FOXN3: variants seen among roughly 807,000 people sequenced by gnomAD.
FOXN3 encodes the protein forkhead box N3, also known as forkhead box protein N3.
A neutral mutation model predicts 38.4 loss-of-function variants in FOXN3; 7 were observed. The ratio of observed to expected loss-of-function variants is 0.18; its 90% CI spans 0.10 to 0.34. FOXN3 has a LOEUF of 0.34. Among genes scored for constraint, FOXN3 ranks in the 10% least tolerant of loss-of-function variants. The pLI, the probability that FOXN3 is intolerant of heterozygous loss-of-function variation, is 1.00. For missense variants in FOXN3, 456 were observed against 613.4 expected, an observed-to-expected ratio of 0.74 and a Z score of 2.71; for synonymous variants, 230 against 242.2, an observed-to-expected ratio of 0.95 and a Z score of 0.47.
chr14:89,206,066 G>A (rs1187152721), intron 4 of FOXN3, among the ~76,000 whole-genome samples: 1 of 152,228 alleles, frequency 6.6e-6, no homozygotes, highest in Non-Finnish European at 1.5e-5. Context: ...GGCATCAGAC[G>A]CGGAATCTGC....
chr14:89,278,414 T>C (rs960189177), intron 4 of FOXN3, among the ~76,000 whole-genome samples: 3 of 152,106 alleles, frequency 2.0e-5, no homozygotes, highest in African/African-American at 7.2e-5. Flanking sequence ...CCAAACCATA[T>C]CCTACTTATT....
upstream of FOXN3, chr14:89,417,822 G>C (rs1022530406): frequency 2.2e-6 from 1 of 446,874 alleles, no homozygotes; most frequent in Non-Finnish European, 4.5e-6. Context: ...TCCCACCCAG[G>C]TGGCCGCGTG....
intron 4 of FOXN3, among the ~76,000 whole-genome samples, chr14:89,186,391 A>T (rs1887809066): frequency 6.6e-6 from 1 of 152,090 alleles, no homozygotes; most frequent in South Asian, 2.1e-4. Context: ...TAAGCCTTTG[A>T]AGATGAGTAA....
At chr14:89,300,343 C>T (rs1222058598) in intron 3 of FOXN3, among the ~76,000 whole-genome samples, 2 of 152,184 alleles carry the variant, frequency 1.3e-5, no homozygotes, top group Non-Finnish European at 2.9e-5. Flanking sequence ...CCATCATGCC[C>T]AGATAATTTT....
intron 2 of FOXN3, among the ~76,000 whole-genome samples, chr14:89,403,930 C>T (rs1469021840): frequency 1.3e-5 from 2 of 152,128 alleles, no homozygotes; most frequent in East Asian, 1.9e-4. Context: ...ATACAAAGGG[C>T]ATACAGCAGT....
At chr14:89,396,035 T>C (rs1417881490) in intron 2 of FOXN3, among the ~76,000 whole-genome samples, 1 of 152,168 alleles carries the variant, frequency 6.6e-6, no homozygotes, top group Non-Finnish European at 1.5e-5. Flanking sequence ...AATGGCTAAA[T>C]ACTAATAGGC....
chr14:89,414,250 G>A (rs1437463893), intron 1 of FOXN3, among the ~76,000 whole-genome samples: 1 of 151,800 alleles, frequency 6.6e-6, no homozygotes, highest in Admixed American at 6.6e-5. Context: ...CCAGGAGGTT[G>A]AGGCTCACTG....
intron 4 of FOXN3, among the ~76,000 whole-genome samples, chr14:89,198,890 A>G (rs540722420): frequency 6.6e-6 from 1 of 152,388 alleles, no homozygotes; most frequent in South Asian, 2.1e-4. Context: ...GTAAACAGAT[A>G]TACAATTCAC....
At chr14:89,408,732 A>G (rs1891455924) in intron 2 of FOXN3, among the ~76,000 whole-genome samples, 1 of 151,910 alleles carries the variant, frequency 6.6e-6, no homozygotes, top group African/African-American at 2.4e-5. Flanking sequence ...TTCAGAAGAA[A>G]ATTAAAAGTG....
chr14:89,158,404 G>C lies in FOXN3; in HGVS notation c.*4010C>G, dbSNP rs1394854788. The C allele has an allele frequency of 2.0e-5, 3 of 152,530 alleles. No individual in the cohort carries two copies. The highest frequency in any genetic ancestry group is 7.2e-5 in the African/African-American group (3 of 41,458). The allele number at this position is 152,530 out of a possible 1,614,324, so 9.4% of individuals were successfully genotyped here. On this transcript the variant is annotated 3_prime_UTR_variant, in exon 6 of 6. Transcript: ENST00000557258. Reference sequence around the variant, plus strand: ...CATTGAATGCCTCTGCAAAACAAAAGAAAACTCTGTTCTTGGGAATCGGCC... The same window carrying C: ...CATTGAATGCCTCTGCAAAACAAAACAAAACTCTGTTCTTGGGAATCGGCC...
At chr14:89,383,479 T>C (rs944902501) in intron 2 of FOXN3, among the ~76,000 whole-genome samples, 3 of 152,212 alleles carry the variant, frequency 2.0e-5, no homozygotes, top group Non-Finnish European at 4.4e-5. Context: ...TAACACAAAC[T>C]TGGTGGCTTA....
chr14:89,587,963 C>G (rs754270400), intron 1 of FOXN3, among the ~76,000 whole-genome samples: 8 of 150,056 alleles, frequency 5.3e-5, no homozygotes, highest in Non-Finnish European at 7.4e-5. Flanking sequence ...GTTTTAGCAT[C>G]TGATATAGTT....
At position 89,327,288 on chromosome 14, in the gene FOXN3, G is replaced by A. The variant is rs543579506; in HGVS notation, c.680+23384C>T. 2.1e-3 allele frequency among the ~76,000 whole-genome samples: 326 copies of A among 152,310 alleles called. 1 individual carries two copies. The highest frequency in any genetic ancestry group is 7.6e-3 in the African/African-American group (317 of 41,550). ...TATTTATCTACCATTATTATATGATGTGCTTAACGACTACAGATCTTATCC... is the reference window on the plus strand; with the variant it reads ...TATTTATCTACCATTATTATATGATATGCTTAACGACTACAGATCTTATCC... On this transcript the variant is annotated intron_variant, in intron 3 of 5. Coordinates refer to ENST00000557258, the MANE Select transcript of FOXN3 (RefSeq NM_005197.4).
intron 3 of FOXN3, among the ~76,000 whole-genome samples, chr14:89,328,113 T>A (rs1888129414): frequency 6.6e-6 from 1 of 152,240 alleles, no homozygotes. Context: ...AGCACTTTTG[T>A]ACAGATGACC....
In FOXN3 at chr14:89,519,550, A is replaced by T. The variant is rs536519176; in HGVS notation, c.-15+99478T>A. Among the ~76,000 whole-genome samples the T allele has an allele frequency of 7.7e-5, 10 of 130,170 alleles. No individual in the cohort carries two copies. In the South Asian group the frequency reaches 1.9e-3, roughly 25 times the overall value. The allele number at this position is 130,170 out of a possible 152,430, so 85.4% of individuals were successfully genotyped here. On this transcript the variant is annotated intron_variant, in intron 1 of 6. Coordinates refer to the FOXN3 transcript ENST00000345097. The stretch of plus-strand genomic sequence containing the variant: ...GGAAGTTTGGGCAAAGCTGTTGGCG[A>T]CGATTTGGAGGAGAGAGTCTGGAGC...
At chr14:89,349,369 T>C (rs908452740) in intron 3 of FOXN3, among the ~76,000 whole-genome samples, 1 of 152,258 alleles carries the variant, frequency 6.6e-6, no homozygotes, top group Non-Finnish European at 1.5e-5. Context: ...CTGATTTTTA[T>C]GAACACAGAC....
chr14:89,472,413 T>C (rs138622428), intron 1 of FOXN3, among the ~76,000 whole-genome samples: 11 of 152,098 alleles, frequency 7.2e-5, no homozygotes, highest in Non-Finnish European at 1.3e-4. Flanking sequence ...TGTCAAGTGT[T>C]TAATTGCATT....
intron 1 of FOXN3, chr14:89,486,562 T>G (rs1893450903): frequency 6.6e-6 from 1 of 152,198 alleles, no homozygotes; most frequent in South Asian, 2.1e-4. Context: ...GAAGGCAGTG[T>G]GATTACCTGA....
intron 4 of FOXN3, among the ~76,000 whole-genome samples, chr14:89,226,737 C>G (rs1884653001): frequency 6.6e-6 from 1 of 152,118 alleles, no homozygotes; most frequent in South Asian, 2.1e-4. Context: ...GATGGTCATA[C>G]TCAAGTAGGA....
Sources: allele counts gnomAD v4.1 joint callset (sites outside exome capture counted in the v4.1 genomes callset), GRCh38; gene constraint gnomAD v4.1.1; transcripts MANE v1.5; gene names NCBI Gene and HGNC (gene_info 2026-07-23, HGNC 2026-07-21).